The following GRID2 variants were observed in gnomAD, a reference collection of about 807,000 sequenced individuals.
GRID2 encodes glutamate ionotropic receptor delta type subunit 2.
Under a neutral mutation model 114.8 loss-of-function variants are expected in GRID2, and 33 were observed. The observed-to-expected ratio is 0.29, with a 90% CI of 0.22 to 0.38. The LOEUF is 0.38. Ranked by LOEUF, GRID2 falls within the 10% of genes least tolerant of loss-of-function variation. The probability of loss-of-function intolerance (pLI) is 1.00; values close to 1 mark genes in which losing one functional copy is unlikely to be tolerated. For missense variants in GRID2, 1,184 were observed against 1,257.7 expected, an observed-to-expected ratio of 0.94 and a Z score of 0.89; for synonymous variants, 505 against 449.9, an observed-to-expected ratio of 1.12 and a Z score of -1.55.
At chr4:93,270,294 G>C (rs1751309598) in intron 8 of GRID2, among the ~76,000 whole-genome samples, 1 of 151,314 alleles carries the variant, frequency 6.6e-6, no homozygotes, top group East Asian at 1.9e-4. Flanking sequence ...AAATGTAAAA[G>C]GGTGGCAAAT....
At chr4:93,789,725 C>T (rs984029303) in intron 1 of GRID2, among the ~76,000 whole-genome samples, 7 of 152,088 alleles carry the variant, frequency 4.6e-5, no homozygotes, top group South Asian at 2.1e-4. Context: ...TGAGTAGTTT[C>T]GGAGGCTAGT....
intron 9 of GRID2, among the ~76,000 whole-genome samples, chr4:93,422,117 A>G (rs1768348483): frequency 6.6e-6 from 1 of 152,186 alleles, no homozygotes; most frequent in African/African-American, 2.4e-5. Flanking sequence ...AAAGACAAAA[A>G]TGGGAAAAGA....
intron 1 of GRID2, among the ~76,000 whole-genome samples, chr4:92,315,729 G>A (rs969351325): frequency 2.0e-5 from 3 of 151,988 alleles, no homozygotes; most frequent in Admixed American, 6.6e-5. Context: ...CCAACACTTC[G>A]GGAGGCTGAG....
chr4:93,075,744 A>G (rs1729206499), intron 2 of GRID2, among the ~76,000 whole-genome samples: 2 of 152,148 alleles, frequency 1.3e-5, no homozygotes, highest in South Asian at 2.1e-4. Context: ...GAATAAATTG[A>G]CAAAGGTGCA....
intron 1 of GRID2, among the ~76,000 whole-genome samples, chr4:92,439,409 C>T (rs894207622): frequency 1.8e-4 from 27 of 152,064 alleles, no homozygotes; most frequent in Admixed American, 5.2e-4. Flanking sequence ...CTGACATTCC[C>T]GCCTTCTTAT....
intron 2 of GRID2, among the ~76,000 whole-genome samples, chr4:92,921,301 C>T (rs982645572): frequency 6.6e-6 from 1 of 152,058 alleles, no homozygotes; most frequent in African/African-American, 2.4e-5. Flanking sequence ...CGAACTTCCT[C>T]CTTTAGTGCA....
chr4:93,043,329 A>G (rs530728247), intron 2 of GRID2, among the ~76,000 whole-genome samples: 91 of 152,300 alleles, frequency 6.0e-4, no homozygotes, highest in African/African-American at 2.1e-3. Context: ...CATATAGAGT[A>G]AAAGAGATAA....
intron 4 of GRID2, among the ~76,000 whole-genome samples, chr4:93,151,879 C>T (rs1560931466): frequency 2.0e-5 from 3 of 151,966 alleles, no homozygotes; most frequent in Admixed American, 6.6e-5. Context: ...AAAAATGTGT[C>T]GTTGAGTTCT....
chr4:92,885,117 G>C (rs1364555669), intron 2 of GRID2: 1 of 311,606 alleles, frequency 3.2e-6, no homozygotes, highest in Non-Finnish European at 6.2e-6. Flanking sequence ...ATTTAAGTAA[G>C]TTAAACTTGA....
chr4:93,734,628 A>G (rs1425436086), intron 14 of GRID2, among the ~76,000 whole-genome samples: 1 of 152,010 alleles, frequency 6.6e-6, no homozygotes, highest in Non-Finnish European at 1.5e-5. Flanking sequence ...ATGAACTTGG[A>G]GAATTCTATC....
intron 13 of GRID2, among the ~76,000 whole-genome samples, chr4:93,617,900 T>C (rs900553356): frequency 1.3e-5 from 2 of 152,090 alleles, no homozygotes; most frequent in Non-Finnish European, 2.9e-5. Flanking sequence ...GTGGGAAACA[T>C]AATCTATGCC....
chr4:93,576,830 G>A (rs995756184), intron 13 of GRID2, among the ~76,000 whole-genome samples: 1 of 152,072 alleles, frequency 6.6e-6, no homozygotes, highest in African/African-American at 2.4e-5. Flanking sequence ...GTATATTCAG[G>A]TGATTCATAT....
At position 92,700,461 on chromosome 4, in the gene GRID2, T is replaced by C. The variant is rs147516902; in HGVS notation, c.244+110175T>C. 5.5e-4 allele frequency among the ~76,000 whole-genome samples: 84 copies of C among 152,288 alleles called. 1 individual carries two copies. The highest frequency in any genetic ancestry group is 4.4e-3 in the Admixed American group (67 of 15,290). On this transcript the variant is annotated intron_variant, in intron 2 of 15. Coordinates refer to ENST00000282020, the MANE Select transcript of GRID2 (RefSeq NM_001510.4). The stretch of plus-strand genomic sequence containing the variant: ...ACACAAGAGATTTGTCTTGAGAAGA[T>C]TGCCTAAATCATAGGGGGAAATGTG...
intron 1 of GRID2, among the ~76,000 whole-genome samples, chr4:92,346,226 C>T (rs190498625): frequency 6.6e-6 from 1 of 152,256 alleles, no homozygotes; most frequent in Admixed American, 6.5e-5. Context: ...GGTCTCATTT[C>T]CATTGGTTTG....
chr4:93,227,007 G>A (rs569409517), intron 7 of GRID2, among the ~76,000 whole-genome samples: 1 of 152,314 alleles, frequency 6.6e-6, no homozygotes, highest in African/African-American at 2.4e-5. Flanking sequence ...GAGAAGAGTT[G>A]CTAGGTGGCC....
intron 1 of GRID2, among the ~76,000 whole-genome samples, chr4:92,309,499 G>A (rs1725587667): frequency 6.6e-6 from 1 of 151,416 alleles, no homozygotes; most frequent in Admixed American, 6.6e-5. Context: ...GCCATTAGGT[G>A]TCACTGCATT....
At chr4:93,312,321 A>T (rs1033025737) in intron 8 of GRID2, among the ~76,000 whole-genome samples, 2 of 152,180 alleles carry the variant, frequency 1.3e-5, no homozygotes, top group Admixed American at 6.5e-5. Flanking sequence ...CAAGGCGAAG[A>T]GTTACGCTGC....
At chr4:92,556,389 A>G (rs909562087) in intron 1 of GRID2, among the ~76,000 whole-genome samples, 2 of 152,274 alleles carry the variant, frequency 1.3e-5, no homozygotes, top group African/African-American at 2.4e-5. Context: ...TTTTTAGAAC[A>G]TTATCCTAGT....
At chr4:93,308,460 G>A (rs1579621439) in intron 8 of GRID2, among the ~76,000 whole-genome samples, 1 of 152,036 alleles carries the variant, frequency 6.6e-6, no homozygotes, top group African/African-American at 2.4e-5. Context: ...ACGTCTTCAA[G>A]AACAAGCCAC....
Sources: gnomAD v4.1 joint callset for allele counts (sites outside exome capture counted in the v4.1 genomes callset) on GRCh38, gnomAD v4.1.1 for gene constraint, MANE v1.5 for transcripts, NCBI Gene and HGNC (gene_info 2026-07-23, HGNC 2026-07-21) for gene names.